The following ZNF521 variants were observed in gnomAD, a reference collection of about 807,000 sequenced individuals.
The protein encoded by ZNF521 is LYST-interacting protein 3.
In ZNF521, 14 loss-of-function variants were observed where a neutral mutation model predicts 105.5. The observed-to-expected ratio is 0.13, with a 90% CI of 0.09 to 0.21. The LOEUF is 0.21. Ranked by LOEUF, ZNF521 falls within the 10% of genes least tolerant of loss-of-function variation. The probability of loss-of-function intolerance (pLI) is 1.00; values close to 1 mark genes in which losing one functional copy is unlikely to be tolerated. For synonymous variants in ZNF521, 635 were observed against 606.0 expected, an observed-to-expected ratio of 1.05 and a Z score of -0.70; for missense variants, 1,233 against 1,629.7, an observed-to-expected ratio of 0.76 and a Z score of 4.19.
chr18:25,102,027 G>T (rs1362222163), intron 5 of ZNF521, among the ~76,000 whole-genome samples: 1 of 152,120 alleles, frequency 6.6e-6, no homozygotes, highest in African/African-American at 2.4e-5. Flanking sequence ...AAAAATAAAT[G>T]TACAGCACAT....
chr18:25,183,279 TA>T (rs1641697669), intron 5 of ZNF521, among the ~76,000 whole-genome samples: 2 of 152,208 alleles, frequency 1.3e-5, no homozygotes, highest in Admixed American at 6.5e-5. Context: ...TGGAAATACT[TA>T]TTATAAAGCT....
At chr18:25,103,784 GAGGA>G (rs10584492) in intron 5 of ZNF521, among the ~76,000 whole-genome samples, 86,956 of 141,116 alleles carry the variant, frequency 0.62, 26,955 homozygotes, top group South Asian at 0.74. Flanking sequence ...AGAAGGGTGA[GAGGA>G]AGGAAGGGAG....
At chr18:25,129,921 G>C (rs1428588230) in intron 5 of ZNF521, among the ~76,000 whole-genome samples, 1 of 152,110 alleles carries the variant, frequency 6.6e-6, no homozygotes, top group African/African-American at 2.4e-5. Flanking sequence ...CTGAAAGACA[G>C]TTTGGAGCTT....
chr18:25,186,628 C>T (rs2035726681), intron 5 of ZNF521, among the ~76,000 whole-genome samples: 1 of 152,082 alleles, frequency 6.6e-6, no homozygotes, highest in South Asian at 2.1e-4. Context: ...GTTTAATATT[C>T]CAAATTTATC....
At chr18:25,104,956 C>T (rs911730014) in intron 5 of ZNF521, among the ~76,000 whole-genome samples, 9 of 152,030 alleles carry the variant, frequency 5.9e-5, no homozygotes, top group Non-Finnish European at 8.8e-5. Flanking sequence ...TTCTCTGGGA[C>T]GGGAAGAGAT....
chr18:25,088,314 C>T (rs543102866), intron 7 of ZNF521, among the ~76,000 whole-genome samples: 11 of 151,738 alleles, frequency 7.2e-5, no homozygotes, highest in Admixed American at 6.6e-4. Context: ...CTCCCGGGTT[C>T]ATGCCATTCT....
At chr18:25,114,356 TG>T (rs1269330885) in intron 5 of ZNF521, among the ~76,000 whole-genome samples, 1 of 151,968 alleles carries the variant, frequency 6.6e-6, no homozygotes, top group Non-Finnish European at 1.5e-5. Flanking sequence ...TTGATAGGAG[TG>T]GTCAAAATGC....
At chr18:25,119,333 A>G (rs955911713) in intron 5 of ZNF521, among the ~76,000 whole-genome samples, 2 of 152,178 alleles carry the variant, frequency 1.3e-5, no homozygotes, top group Non-Finnish European at 1.5e-5. Context: ...ACTGATAGCT[A>G]CAGAACATTA....
intron 5 of ZNF521, among the ~76,000 whole-genome samples, chr18:25,163,395 A>C (rs1414688484): frequency 6.6e-6 from 1 of 152,168 alleles, no homozygotes; most frequent in Non-Finnish European, 1.5e-5. Flanking sequence ...TGCTGGACAC[A>C]CTAATTAGAA....
intron 2 of ZNF521, among the ~76,000 whole-genome samples, chr18:25,324,741 A>G (rs987844437): frequency 6.6e-6 from 1 of 152,216 alleles, no homozygotes; most frequent in African/African-American, 2.4e-5. Flanking sequence ...TAAGTACTAT[A>G]CAGAGAAAAA....
chr18:25,212,172 G>A (rs1328675621), intron 4 of ZNF521, among the ~76,000 whole-genome samples: 1 of 151,818 alleles, frequency 6.6e-6, no homozygotes, highest in Non-Finnish European at 1.5e-5. Flanking sequence ...TTCTATACAT[G>A]TTTTGGAAAC....
intron 3 of ZNF521, among the ~76,000 whole-genome samples, chr18:25,239,015 C>T (rs1029447926): frequency 6.6e-6 from 1 of 152,112 alleles, no homozygotes; most frequent in African/African-American, 2.4e-5. Flanking sequence ...GTGCCTTTCC[C>T]GTGTTTGCTC....
chr18:25,309,716 G>A (rs1049984386), intron 3 of ZNF521, among the ~76,000 whole-genome samples: 2 of 152,060 alleles, frequency 1.3e-5, no homozygotes, highest in African/African-American at 4.8e-5. Context: ...TTTTTAAAAA[G>A]ATTATAAAAG....
At chr18:25,323,529 A>G (rs1256733950) in intron 2 of ZNF521, among the ~76,000 whole-genome samples, 1 of 151,956 alleles carries the variant, frequency 6.6e-6, no homozygotes, top group Non-Finnish European at 1.5e-5. Context: ...GCAGCCTCCA[A>G]CTCCTGGCCT....
At chr18:25,218,649 C>CT (rs1159906906) in intron 4 of ZNF521, among the ~76,000 whole-genome samples, 2 of 146,356 alleles carry the variant, frequency 1.4e-5, no homozygotes, top group Admixed American at 6.9e-5. Flanking sequence ...GAAACCCTGT[C>CT]TGAGAGAAAA....
intron 5 of ZNF521, among the ~76,000 whole-genome samples, chr18:25,193,770 G>C (rs531833829): frequency 6.6e-6 from 1 of 151,930 alleles, no homozygotes; most frequent in African/African-American, 2.4e-5. Flanking sequence ...CACATTGAAG[G>C]ATATACTATT....
At chr18:25,078,065 G>C (rs1308952125) in intron 7 of ZNF521, among the ~76,000 whole-genome samples, 1 of 152,202 alleles carries the variant, frequency 6.6e-6, no homozygotes. Context: ...GCTCACTTCA[G>C]TGCCAGTCTG....
chr18:25,236,613 C>T (rs1484437666), intron 3 of ZNF521, among the ~76,000 whole-genome samples: 2 of 151,920 alleles, frequency 1.3e-5, no homozygotes, highest in African/African-American at 4.8e-5. Flanking sequence ...AAAGACTCTA[C>T]AGTAGGGCCA....
At chr18:25,244,972 C>T (rs1277865550) in intron 3 of ZNF521, among the ~76,000 whole-genome samples, 3 of 152,188 alleles carry the variant, frequency 2.0e-5, no homozygotes, top group African/African-American at 7.2e-5. Flanking sequence ...TGGTGAATTC[C>T]AAGAAACCAG....
Sources: allele counts gnomAD v4.1 joint callset (sites outside exome capture counted in the v4.1 genomes callset), GRCh38; gene constraint gnomAD v4.1.1; transcripts MANE v1.5; gene names NCBI Gene and HGNC (gene_info 2026-07-23, HGNC 2026-07-21).